The following ANKRD18A variants were observed in gnomAD, a reference collection of about 807,000 sequenced individuals.
ANKRD18A encodes the protein ankyrin repeat domain-containing protein 18A.
A neutral mutation model predicts 110.6 loss-of-function variants in ANKRD18A; 72 were observed. That is an observed-to-expected ratio of 0.65 (90% CI 0.54 to 0.79). ANKRD18A has a LOEUF of 0.79. Among genes scored for constraint, ANKRD18A ranks in the 30% least tolerant of loss-of-function variants. The pLI is 0.00. For synonymous variants in ANKRD18A, 305 were observed against 410.3 expected, an observed-to-expected ratio of 0.74 and a Z score of 3.10; for missense variants, 934 against 1,163.3, an observed-to-expected ratio of 0.80 and a Z score of 2.87.
At position 38,571,787 on chromosome 9, in the gene ANKRD18A, T is replaced by C. The variant is rs933726708; in HGVS notation, c.*258A>G. The C allele has an allele frequency of 1.4e-5, 16 of 1,121,552 alleles. No individual in the cohort carries two copies. Among genetic ancestry groups the C allele is most frequent in the African/African-American group, 6.6e-5 (4 of 60,568 alleles). The allele number at this position is 1,121,552 out of a possible 1,614,324, so 69.5% of individuals were successfully genotyped here. On this transcript the variant is annotated 3_prime_UTR_variant, in exon 16 of 16. Transcript: ENST00000399703. ...TTCATTTGCAAGATCCACTTAAAACTTAAGGAGGCTAAAAAACATCATTTA... is the reference window on the plus strand; with the variant it reads ...TTCATTTGCAAGATCCACTTAAAACCTAAGGAGGCTAAAAAACATCATTTA...
At chr9:38,572,133 G>T in intron 15 of ANKRD18A, 74 bp from the exon 16 acceptor site, 1 of 1,183,838 alleles carries the variant, frequency 8.4e-7, no homozygotes, top group South Asian at 1.4e-5. Context: ...TTAAAATGTG[G>T]AGTTGAGAAC....
Position 38,577,103 on chromosome 9 carries a change from G to A in ANKRD18A, c.2691C>T (p.Ala897=), listed in dbSNP as rs1291891208. ...TGTTAGCTTTCACTGCTCCTGCAAA[G>A]GCTTCCTTAAATTCTTCTAATTCAG... The part of the protein sequence containing the change: ...VTTELEEFKE[A]FAGAVKANNS... The change falls in exon 14 of 16, where the codon GCC becomes GCT. Residue 897 remains alanine (A), a synonymous_variant. Coordinates refer to ENST00000399703, the MANE Select transcript of ANKRD18A (RefSeq NM_147195.4). The A allele has an allele frequency of 1.9e-6, 3 of 1,549,042 alleles. No homozygotes were observed. Among genetic ancestry groups the A allele is most frequent in the East Asian group, 2.5e-5 (1 of 40,774 alleles).
rs1227515155 is a variant in ANKRD18A, at chr9:38,595,623, C to G, written c.1717G>C (p.Val573Leu). The part of the protein sequence containing the change: ...ARKEGDNKEI[V>L]INIHRDCLEN... ...AGACAGTCTCTGTGGATATTAATGA[C>G]TATCTCTTTATTATCGCCTTCCTTA... The change falls in exon 9 of 16, where the codon GTC becomes CTC. Residue 573 changes from valine (V) to leucine (L), a missense_variant. Coordinates refer to ENST00000399703, the MANE Select transcript of ANKRD18A (RefSeq NM_147195.4). 1.9e-6 allele frequency: 3 copies of G among 1,550,930 alleles called. No homozygotes were observed. Among genetic ancestry groups the G allele is most frequent in the Non-Finnish European group, 2.6e-6 (3 of 1,146,612 alleles).
chr9:38,607,495 T>C lies in ANKRD18A; in HGVS notation c.741-2A>G. The C allele has an allele frequency of 6.8e-7, 1 of 1,464,112 alleles. No homozygotes were observed. The highest frequency in any genetic ancestry group is 9.1e-7 in the Non-Finnish European group (1 of 1,100,168). The allele number at this position is 1,464,112 out of a possible 1,614,324, so 90.7% of individuals were successfully genotyped here. On this transcript the variant is annotated splice_acceptor_variant, in intron 5 of 15. Coordinates refer to ENST00000399703, the MANE Select transcript of ANKRD18A (RefSeq NM_147195.4). LOFTEE classifies it high-confidence loss of function. ...TGTTCCAAAATTTGTTGTCGGATGC[T>C]ATGCATAATAAACGTAATAAAATTA...
intron 8 of ANKRD18A, among the ~76,000 whole-genome samples, chr9:38,598,872 T>A (rs547923683): frequency 6.6e-6 from 1 of 152,334 alleles, no homozygotes; most frequent in Non-Finnish European, 1.5e-5. Context: ...TCTATTCGTA[T>A]CACATGCTTC....
Position 38,595,476 on chromosome 9 carries a change from TCATA to T in ANKRD18A, c.1854+6_1854+9del, listed in dbSNP as rs2118778307. 1 of 1,457,050 alleles carries T rather than the reference TCATA, an allele frequency of 6.9e-7. No individual in the cohort carries two copies. The highest frequency in any genetic ancestry group is 2.9e-5 in the Admixed American group (1 of 34,316). The allele number at this position is 1,457,050 out of a possible 1,614,324, so 90.3% of individuals were successfully genotyped here. On this transcript the variant is annotated splice_donor_region_variant and intron_variant, in intron 9 of 15. Transcript: ENST00000399703. ...TCTTTCCAGAAGTTTATAGTTTTCTTCATACTTACTTCTCTTTCTGCTTTTTCTT... is the reference window on the plus strand; with the variant it reads ...TCTTTCCAGAAGTTTATAGTTTTCTTCTTACTTCTCTTTCTGCTTTTTCTT...
intron 8 of ANKRD18A, 43 bp downstream of exon 8, chr9:38,601,088 C>T (rs1825099637): frequency 1.3e-6 from 2 of 1,517,152 alleles, no homozygotes; most frequent in Non-Finnish European, 1.8e-6. Flanking sequence ...GAAAAACAAA[C>T]AAACAAACCA....
At chr9:38,610,465 A>G in intron 4 of ANKRD18A, 55 bp from the exon 5 acceptor site, 1 of 1,504,794 alleles carries the variant, frequency 6.6e-7, no homozygotes, top group Non-Finnish European at 8.9e-7. Flanking sequence ...ATATTTAATT[A>G]GCAAATTGGA....
rs896754088 is a variant in ANKRD18A, at chr9:38,572,152, A to T, written c.2965-93T>A. On this transcript the variant is annotated intron_variant, in intron 15 of 15. Transcript: ENST00000399703. The stretch of plus-strand genomic sequence containing the variant: ...AATGTGGAGTTGAGAACGTTATCAG[A>T]GTTAATAAGAATGAGAAATATGTAC... 6 of 932,196 alleles carry T rather than the reference A, an allele frequency of 6.4e-6. No individual in the cohort carries two copies. The African/African-American group carries it at 1.0e-4, about 16-fold the overall frequency. The allele number at this position is 932,196 out of a possible 1,614,324, so 57.7% of individuals were successfully genotyped here. A position where few individuals can be genotyped will look rare whatever the true frequency, so the allele number is the denominator to read the frequency against.
chr9:38,609,598 T>C (rs1825516244), intron 5 of ANKRD18A, among the ~76,000 whole-genome samples: 1 of 151,986 alleles, frequency 6.6e-6, no homozygotes, highest in Non-Finnish European at 1.5e-5. Flanking sequence ...AGTCAATCAT[T>C]ACCAGATTGC....
chr9:38,575,402 G>C (rs1201365198), intron 15 of ANKRD18A, 74 bp downstream of exon 15: 4 of 1,393,268 alleles, frequency 2.9e-6, no homozygotes, highest in Non-Finnish European at 3.9e-6. Context: ...ACAGAACTCA[G>C]TATTTCATCA....
chr9:38,582,050 G>A (rs1460605882), intron 12 of ANKRD18A, among the ~76,000 whole-genome samples: 1 of 152,184 alleles, frequency 6.6e-6, no homozygotes, highest in Non-Finnish European at 1.5e-5. Context: ...AAGAGGATCT[G>A]TGAACTGAAA....
chr9:38,620,224 T>G lies in ANKRD18A; in HGVS notation c.62A>C (p.Gln21Pro), dbSNP rs763398136. The change falls in exon 1 of 16, where the codon CAA becomes CCA. Residue 21 changes from glutamine (Q) to proline (P), a missense_variant. This residue lies in a region of ANKRD18A where 630 missense variants were observed against 797.5 expected (regional missense o/e 0.79). Transcript: ENST00000399703. ...GTCGTAACCCGGACCCGCATACTCT[T>G]GGTCCATGGAGCTCAGGAGCGCCTG... is the stretch of plus-strand genomic sequence containing the variant. The part of the protein sequence containing the change: ...LGQALLSSMD[Q>P]EYAGPGYDIR... The G allele has an allele frequency of 4.0e-4, 622 of 1,551,798 alleles. No homozygotes were observed. The highest frequency in any genetic ancestry group is 4.9e-4 in the Non-Finnish European group (559 of 1,147,020).
intron 12 of ANKRD18A, among the ~76,000 whole-genome samples, chr9:38,580,258 G>A (rs1824098858): frequency 6.6e-6 from 1 of 152,108 alleles, no homozygotes; most frequent in Non-Finnish European, 1.5e-5. Context: ...AAATCAGACA[G>A]GTGCAATGGT....
chr9:38,577,726 C>T, intron 13 of ANKRD18A, 141 bp downstream of exon 13: 1 of 913,672 alleles, frequency 1.1e-6, no homozygotes, highest in Non-Finnish European at 1.5e-6. Flanking sequence ...GGAAAAAAGT[C>T]ACTTTTTTTC....
intron 6 of ANKRD18A, among the ~76,000 whole-genome samples, chr9:38,606,682 C>G (rs1332780648): frequency 6.6e-6 from 1 of 152,098 alleles, no homozygotes; most frequent in Admixed American, 6.6e-5. Context: ...GATCACAGTC[C>G]CTAACCCCCA....
chr9:38,580,195 C>T (rs531355201), intron 12 of ANKRD18A, among the ~76,000 whole-genome samples: 2 of 152,256 alleles, frequency 1.3e-5, no homozygotes, highest in African/African-American at 4.8e-5. Flanking sequence ...CACTTGAAGC[C>T]AAAAGTTCCA....
At chr9:38,581,007 C>G (rs1824139024) in intron 12 of ANKRD18A, among the ~76,000 whole-genome samples, 1 of 152,212 alleles carries the variant, frequency 6.6e-6, no homozygotes, top group African/African-American at 2.4e-5. Context: ...GTGAGCAAAG[C>G]TTCAGATGAT....
At chr9:38,588,519 G>A (rs1418552781) in intron 11 of ANKRD18A, 32 bp downstream of exon 11, 1 of 1,197,274 alleles carries the variant, frequency 8.4e-7, no homozygotes, top group East Asian at 3.2e-5. Flanking sequence ...ATTACTAAAT[G>A]GTTAAAATGT....
Sources: gnomAD v4.1 joint callset for allele counts (sites outside exome capture counted in the v4.1 genomes callset) on GRCh38, gnomAD v4.1.1 for gene constraint, gnomAD v4.1.1 regional missense constraint, MANE v1.5 for transcripts, NCBI Gene and HGNC (gene_info 2026-07-23, HGNC 2026-07-21) for gene names.